Variants in DAB1 observed in about 807,000 individuals in gnomAD.
DAB1 encodes disabled homolog 1.
In DAB1, 15 loss-of-function variants were observed where a neutral mutation model predicts 64.6. The ratio of observed to expected loss-of-function variants is 0.23; its 90% CI spans 0.16 to 0.36. The LOEUF (loss-of-function observed/expected upper bound fraction) is 0.36. Among genes scored for constraint, DAB1 ranks in the 10% least tolerant of loss-of-function variants. DAB1 has a pLI of 1.00. For missense variants in DAB1, 596 were observed against 706.7 expected (o/e 0.84, Z 1.78); for synonymous variants, 235 against 251.9 (o/e 0.93, Z 0.64).
chr1:58,190,878 A>T (rs1183078487), intron 4 of DAB1, among the ~76,000 whole-genome samples: 3 of 152,244 alleles, frequency 2.0e-5, no homozygotes, highest in African/African-American at 7.2e-5. Context: ...GTTCTAGCTG[A>T]TGAGACTGTG....
At chr1:57,879,457 C>T (rs1048270770) in intron 1 of DAB1, among the ~76,000 whole-genome samples, 5 of 152,056 alleles carry the variant, frequency 3.3e-5, no homozygotes, top group African/African-American at 1.2e-4. Context: ...TTGGTTAAGG[C>T]GACTAGCACT....
chr1:57,274,658 G>A (rs189257673), intron 2 of DAB1, among the ~76,000 whole-genome samples: 3 of 152,206 alleles, frequency 2.0e-5, no homozygotes, highest in East Asian at 3.9e-4. Flanking sequence ...TCAGCTCACC[G>A]CAACCTCTGC....
chr1:57,263,680 GA>G (rs902661618), intron 2 of DAB1, among the ~76,000 whole-genome samples: 33 of 152,144 alleles, frequency 2.2e-4, no homozygotes, highest in African/African-American at 8.0e-4. Flanking sequence ...CAAAGTACCT[GA>G]AAAAGCTGCA....
At chr1:57,527,819 T>C (rs1199156870) in intron 7 of DAB1, among the ~76,000 whole-genome samples, 1 of 152,180 alleles carries the variant, frequency 6.6e-6, no homozygotes, top group Non-Finnish European at 1.5e-5. Flanking sequence ...AGGCAGACTT[T>C]TGATAAATTC....
chr1:57,953,303 C>T (rs1056444428), intron 5 of DAB1, among the ~76,000 whole-genome samples: 23 of 152,214 alleles, frequency 1.5e-4, no homozygotes, highest in African/African-American at 5.5e-4. Context: ...TGATGATAAT[C>T]GTGGTGAACT....
intron 2 of DAB1, among the ~76,000 whole-genome samples, chr1:57,166,729 A>C (rs1413582686): frequency 6.6e-6 from 1 of 152,218 alleles, no homozygotes; most frequent in Non-Finnish European, 1.5e-5. Flanking sequence ...TCAAGGCCAG[A>C]AAAGCTGTTG....
chr1:58,187,909 A>AT (rs377672670), intron 4 of DAB1, among the ~76,000 whole-genome samples: 2,552 of 118,058 alleles, frequency 0.022, 58 homozygotes, highest in South Asian at 0.11. Context: ...TGAGATAAGA[A>AT]TTTTTTTTTT....
chr1:57,376,281 C>T (rs191042129), intron 1 of DAB1, among the ~76,000 whole-genome samples: 11 of 152,306 alleles, frequency 7.2e-5, no homozygotes, highest in African/African-American at 2.2e-4. Context: ...TGTAAATTTG[C>T]GCTGATCATC....
In DAB1 at chr1:57,171,057, G is replaced by T. The variant is rs115511394; in HGVS notation, c.68-25628C>A. ...AAAGCTGTATTTTGTGCTGTGGCTG[G>T]AAGAATCTCCCCAGAGTCAATGGAT... On this transcript the variant is annotated intron_variant, in intron 2 of 14. Transcript: ENST00000371236. Among the ~76,000 whole-genome samples the T allele has an allele frequency of 3.8e-3, 584 of 152,282 alleles. 2 individuals are homozygous for T. The highest frequency in any genetic ancestry group is 6.8e-3 in the Middle Eastern group (2 of 294).
At chr1:58,167,789 C>T (rs527244894) in intron 4 of DAB1, among the ~76,000 whole-genome samples, 32 of 152,314 alleles carry the variant, frequency 2.1e-4, no homozygotes, top group African/African-American at 5.5e-4. Context: ...GTAACACTCA[C>T]GGCAAAGGTC....
intron 1 of DAB1, among the ~76,000 whole-genome samples, chr1:57,330,120 C>G (rs12117999): frequency 5.4e-3 from 827 of 152,294 alleles, no homozygotes; most frequent in South Asian, 0.018. Context: ...GAACTACAAT[C>G]AAGTCATCTT....
At chr1:57,643,894 T>C (rs1489523054) in intron 7 of DAB1, among the ~76,000 whole-genome samples, 1 of 152,098 alleles carries the variant, frequency 6.6e-6, no homozygotes, top group Non-Finnish European at 1.5e-5. Context: ...CGTCTGAAAA[T>C]AGGCTGGTCA....
chr1:57,156,459 G>A (rs1005495119), intron 2 of DAB1, among the ~76,000 whole-genome samples: 5 of 152,140 alleles, frequency 3.3e-5, no homozygotes, highest in African/African-American at 7.2e-5. Flanking sequence ...TGAACCTAGC[G>A]TGATGCCAGA....
chr1:57,232,960 C>A (rs547308537), intron 2 of DAB1, among the ~76,000 whole-genome samples: 22 of 152,290 alleles, frequency 1.4e-4, no homozygotes, highest in African/African-American at 4.8e-4. Flanking sequence ...TTATGAGGAA[C>A]TTCAGTCACC....
At chr1:58,216,147 A>C (rs1310334816) in intron 4 of DAB1, among the ~76,000 whole-genome samples, 1 of 152,120 alleles carries the variant, frequency 6.6e-6, no homozygotes, top group Non-Finnish European at 1.5e-5. Flanking sequence ...CATCATCTAC[A>C]TTAGGTATTT....
At chr1:58,134,956 TA>T (rs1653859433) in intron 5 of DAB1, among the ~76,000 whole-genome samples, 1 of 152,150 alleles carries the variant, frequency 6.6e-6, no homozygotes, top group Non-Finnish European at 1.5e-5. Context: ...ACCTGGTCTG[TA>T]AAGGTAGACT....
chr1:57,891,749 A>G (rs1233105449), intron 5 of DAB1, among the ~76,000 whole-genome samples: 1 of 152,202 alleles, frequency 6.6e-6, no homozygotes, highest in Non-Finnish European at 1.5e-5. Context: ...ACAGGAGCAG[A>G]AAACCAAACA....
chr1:57,400,785 A>T (rs906265979), intron 1 of DAB1, among the ~76,000 whole-genome samples: 1 of 152,020 alleles, frequency 6.6e-6, no homozygotes, highest in Non-Finnish European at 1.5e-5. Context: ...ACATTACACA[A>T]GTCATACAAA....
intron 7 of DAB1, among the ~76,000 whole-genome samples, chr1:57,492,220 G>C (rs1238267081): frequency 6.6e-6 from 1 of 152,194 alleles, no homozygotes. Context: ...GACAGCAGGA[G>C]GCTATGGATT....
Sources: gnomAD v4.1 joint callset for allele counts (sites outside exome capture counted in the v4.1 genomes callset) on GRCh38, gnomAD v4.1.1 for gene constraint, MANE v1.5 for transcripts, NCBI Gene and HGNC (gene_info 2026-07-23, HGNC 2026-07-21) for gene names.